ANKRD44: variants seen among roughly 807,000 people sequenced by gnomAD.
The protein encoded by ANKRD44 is serine/threonine-protein phosphatase 6 regulatory ankyrin repeat subunit B.
A neutral mutation model predicts 116.0 loss-of-function variants in ANKRD44; 35 were observed. The observed-to-expected ratio is 0.30, with a 90% confidence interval of 0.23 to 0.40. The LOEUF is 0.40. ANKRD44 is among the 10% of genes least tolerant of loss of function. The pLI, the probability that ANKRD44 is intolerant of heterozygous loss-of-function variation, is 1.00. For synonymous variants in ANKRD44, 435 were observed against 461.8 expected, an observed-to-expected ratio of 0.94 and a Z score of 0.74; for missense variants, 1,014 against 1,242.6, an observed-to-expected ratio of 0.82 and a Z score of 2.77.
At position 196,986,897 on chromosome 2, in the gene ANKRD44, A is replaced by T. The variant is rs2075843522; in HGVS notation, c.*2694T>A. 3.0e-6 allele frequency: 3 copies of T among 985,316 alleles called. No individual in the cohort carries two copies. The South Asian group carries it at 1.4e-4, about 46-fold the overall frequency. The allele number at this position is 985,316 out of a possible 1,614,324, so 61.0% of individuals were successfully genotyped here. On this transcript the variant is annotated 3_prime_UTR_variant, in exon 28 of 28. Transcript: ENST00000282272. The stretch of plus-strand genomic sequence containing the variant: ...GAGTCATTCAACTCCAATTTACATA[A>T]GAAAACATTATAGACAAAATCCCAC...
Position 197,090,017 on chromosome 2 carries a change from G to A in ANKRD44, c.1116C>T (p.Ser372=). ...GADTAKCGIH[S]MFPLHLAALN... ...GGGCAGCTAAATGTAAAGGGAACAT[G>A]CTATGGATTCCACACCTGAGGAGTA... The change falls in exon 11 of 28, where the codon AGC becomes AGT. Residue 372 remains serine (S), a synonymous_variant. Transcript: ENST00000282272. The A allele has an allele frequency of 1.2e-6, 2 of 1,613,932 alleles. No homozygotes were observed. Among genetic ancestry groups the A allele is most frequent in the Non-Finnish European group, 1.7e-6 (2 of 1,179,836 alleles).
intron 2 of ANKRD44, among the ~76,000 whole-genome samples, chr2:197,156,426 G>A (rs2079817263): frequency 2.0e-5 from 3 of 152,108 alleles, no homozygotes; most frequent in Admixed American, 2.0e-4. Context: ...TATTAAAATT[G>A]CTAAAATTAA....
chr2:197,139,871 TGTGTGTGTGTGTGTGTGTGTGTGTGTGA>T (rs1366085992), intron 3 of ANKRD44, among the ~76,000 whole-genome samples: 2 of 134,450 alleles, frequency 1.5e-5, no homozygotes, highest in African/African-American at 5.1e-5. Flanking sequence ...TGTGTGTGTG[TGTGTGTGTGTGTGTGTGTGTGTGTGTGA>T]AACGGAGTCT....
At chr2:197,068,383 A>T (rs13027607) in intron 16 of ANKRD44, among the ~76,000 whole-genome samples, 6 of 41,676 alleles carry the variant, frequency 1.4e-4, no homozygotes, top group Non-Finnish European at 7.4e-4. Flanking sequence ...AAAAAAGAAA[A>T]AAATAAAAAA....
intron 15 of ANKRD44, among the ~76,000 whole-genome samples, chr2:197,079,371 C>T (rs1215131930): frequency 6.6e-6 from 1 of 152,118 alleles, no homozygotes; most frequent in East Asian, 1.9e-4. Context: ...AACTTCATAA[C>T]CACATATGAA....
At chr2:197,169,313 A>C (rs191894822) in intron 2 of ANKRD44, among the ~76,000 whole-genome samples, 1 of 152,242 alleles carries the variant, frequency 6.6e-6, no homozygotes, top group East Asian at 1.9e-4. Context: ...TGTTAGTATC[A>C]TAGCACACTT....
At chr2:197,250,407 C>G (rs186664463) in intron 1 of ANKRD44, among the ~76,000 whole-genome samples, 2 of 152,182 alleles carry the variant, frequency 1.3e-5, no homozygotes, top group Non-Finnish European at 2.9e-5. Flanking sequence ...CAAAGGCACA[C>G]GCTCACTTCC....
chr2:197,060,846 T>C (rs767479083), intron 16 of ANKRD44, among the ~76,000 whole-genome samples: 2 of 152,196 alleles, frequency 1.3e-5, no homozygotes, highest in Non-Finnish European at 2.9e-5. Flanking sequence ...TTGTTATAAA[T>C]GGCAGGATTC....
At chr2:197,247,986 C>T (rs567281330) in intron 1 of ANKRD44, among the ~76,000 whole-genome samples, 3 of 152,242 alleles carry the variant, frequency 2.0e-5, no homozygotes, top group Admixed American at 6.5e-5. Context: ...ACTAGGGACA[C>T]GGCCTCCCTC....
chr2:196,976,090 A>C (rs1322697949), intron 21 of ANKRD44, among the ~76,000 whole-genome samples: 1 of 152,096 alleles, frequency 6.6e-6, no homozygotes, highest in Non-Finnish European at 1.5e-5. Flanking sequence ...AAATTTCTTC[A>C]AACTGATCAG....
intron 16 of ANKRD44, among the ~76,000 whole-genome samples, chr2:197,064,872 C>T (rs2077396718): frequency 6.6e-6 from 1 of 152,166 alleles, no homozygotes; most frequent in Non-Finnish European, 1.5e-5. Context: ...TAACACCCCA[C>T]TGTTAACATT....
chr2:197,193,296 C>T (rs1346934400), intron 1 of ANKRD44, among the ~76,000 whole-genome samples: 2 of 152,146 alleles, frequency 1.3e-5, no homozygotes, highest in African/African-American at 4.8e-5. Context: ...ATCACCCTCA[C>T]CCGATGGCCA....
rs1474788589 is a variant in ANKRD44 at position 197,104,412 on chromosome 2, C to T, written c.986-4482G>A. ...CTGGAATTATAGGGGTGACCCACCA[C>T]ACCCAGGCAGCAACATTTTTAAAAG... On this transcript the variant is annotated intron_variant, in intron 9 of 27. Coordinates refer to ENST00000282272, the MANE Select transcript of ANKRD44 (RefSeq NM_001195144.2). Among the ~76,000 whole-genome samples the T allele has an allele frequency of 2.6e-5, 4 of 152,210 alleles. No individual in the cohort carries two copies. In the East Asian group the frequency reaches 7.7e-4, roughly 29 times the overall value.
chr2:197,035,770 A>G (rs1187618733), intron 16 of ANKRD44, among the ~76,000 whole-genome samples: 2 of 149,504 alleles, frequency 1.3e-5, no homozygotes, highest in African/African-American at 4.8e-5. Flanking sequence ...TCGTCAAGCT[A>G]TGACCTGGCC....
chr2:197,005,951 G>A (rs1363078890), intron 20 of ANKRD44, 41 bp from the exon 21 acceptor site: 1 of 1,596,042 alleles, frequency 6.3e-7, no homozygotes, highest in Non-Finnish European at 8.6e-7. Context: ...AACCTCAGAA[G>A]ACTAAGGAAG....
intron 21 of ANKRD44, among the ~76,000 whole-genome samples, chr2:196,969,818 C>G (rs1222968574): frequency 6.6e-6 from 1 of 152,184 alleles, no homozygotes; most frequent in East Asian, 1.9e-4. Flanking sequence ...AGAACCAGCT[C>G]TAAGCTCCGC....
chr2:197,269,174 G>T (rs2082823863), intron 1 of ANKRD44, among the ~76,000 whole-genome samples: 1 of 152,112 alleles, frequency 6.6e-6, no homozygotes, highest in Non-Finnish European at 1.5e-5. Context: ...TGTATAGTAT[G>T]CTTCAAAAAA....
At chr2:197,114,856 A>G (rs1211326385) in intron 8 of ANKRD44, among the ~76,000 whole-genome samples, 3 of 152,220 alleles carry the variant, frequency 2.0e-5, no homozygotes, top group Non-Finnish European at 4.4e-5. Context: ...TGAAAAAGCC[A>G]CACATTGTCC....
chr2:197,023,164 C>G (rs1271853877), intron 17 of ANKRD44, among the ~76,000 whole-genome samples: 3 of 152,232 alleles, frequency 2.0e-5, no homozygotes, highest in Non-Finnish European at 4.4e-5. Context: ...AGGCACTGTT[C>G]TAATTGTGTT....
Sources: allele counts gnomAD v4.1 joint callset (sites outside exome capture counted in the v4.1 genomes callset), GRCh38; gene constraint gnomAD v4.1.1; transcripts MANE v1.5; gene names NCBI Gene and HGNC (gene_info 2026-07-23, HGNC 2026-07-21).